TAFA4: variants seen among roughly 807,000 people sequenced by gnomAD.
The protein encoded by TAFA4 is chemokine-like protein TAFA-4.
A neutral mutation model predicts 21.1 loss-of-function variants in TAFA4; 20 were observed. The ratio of observed to expected loss-of-function variants is 0.95; its 90% CI spans 0.67 to 1.38. The LOEUF is 1.38. Among genes scored for constraint, TAFA4 ranks in the 40% most tolerant of loss-of-function variants. TAFA4 has a pLI of 0.00. For synonymous variants in TAFA4, 71 were observed against 67.4 expected, an observed-to-expected ratio of 1.05 and a Z score of -0.26; for missense variants, 211 against 180.9, an observed-to-expected ratio of 1.17 and a Z score of -0.95.
chr3:68,856,001 T>G (rs368645713), intron 3 of TAFA4, among the ~76,000 whole-genome samples: 6 of 152,118 alleles, frequency 3.9e-5, no homozygotes, highest in African/African-American at 1.4e-4. Flanking sequence ...ACAACAAAAC[T>G]CCCAAACTAA....
intron 3 of TAFA4, among the ~76,000 whole-genome samples, chr3:68,849,861 T>C (rs1351558205): frequency 6.6e-6 from 1 of 152,212 alleles, no homozygotes; most frequent in Non-Finnish European, 1.5e-5. Flanking sequence ...CTCAACAGGT[T>C]CCTCTAATCA....
Position 68,855,003 on chromosome 3 carries a change from A to G in TAFA4, c.130+25727T>C, listed in dbSNP as rs139990515. Among the ~76,000 whole-genome samples the G allele has an allele frequency of 2.1e-4, 32 of 152,302 alleles. No individual in the cohort carries two copies. The East Asian group carries it at 6.2e-3, about 29-fold the overall frequency. On this transcript the variant is annotated intron_variant, in intron 3 of 5. Transcript: ENST00000295569. ...ACCCTTGGTTCCAAACCCATAGCAG[A>G]GTAAAAATCATAATAGGGGACAGTG...
intron 1 of TAFA4, among the ~76,000 whole-genome samples, chr3:68,920,710 T>C (rs909471926): frequency 1.4e-4 from 21 of 150,992 alleles, no homozygotes; most frequent in African/African-American, 5.1e-4. Context: ...ACTGTGACCC[T>C]GTATTATGAC....
At chr3:68,892,295 G>A (rs1559555427) in intron 1 of TAFA4, among the ~76,000 whole-genome samples, 8 of 152,168 alleles carry the variant, frequency 5.3e-5, no homozygotes. Context: ...ACATGCTAAA[G>A]TATGTTGTAA....
intron 3 of TAFA4, among the ~76,000 whole-genome samples, chr3:68,805,851 T>G (rs1446871730): frequency 6.6e-6 from 1 of 152,106 alleles, no homozygotes; most frequent in African/African-American, 2.4e-5. Flanking sequence ...ATATACCTAA[T>G]GCTAAATGAC....
intron 1 of TAFA4, among the ~76,000 whole-genome samples, chr3:68,887,339 C>T (rs904451445): frequency 6.6e-6 from 1 of 152,140 alleles, no homozygotes; most frequent in Non-Finnish European, 1.5e-5. Flanking sequence ...CACGGGCAGC[C>T]CTGCCCCTGT....
intron 3 of TAFA4, among the ~76,000 whole-genome samples, chr3:68,800,899 T>C (rs564933970): frequency 4.6e-5 from 7 of 152,228 alleles, no homozygotes; most frequent in Admixed American, 2.6e-4. Context: ...AGCTATGAGA[T>C]CAAAATGATG....
chr3:68,743,054 G>C (rs1436260358), intron 4 of TAFA4, among the ~76,000 whole-genome samples: 2 of 152,210 alleles, frequency 1.3e-5, no homozygotes, highest in East Asian at 3.9e-4. Context: ...CTCCACAAGT[G>C]GCCACATTGT....
chr3:68,777,919 GTCAA>G (rs1438228223), intron 3 of TAFA4, among the ~76,000 whole-genome samples: 2 of 152,092 alleles, frequency 1.3e-5, no homozygotes, highest in African/African-American at 4.8e-5. Context: ...GTGTGTAGTA[GTCAA>G]TAACATCTAG....
chr3:68,931,445 CTG>C (rs1157517136), intron 1 of TAFA4, among the ~76,000 whole-genome samples: 9 of 152,206 alleles, frequency 5.9e-5, no homozygotes, highest in African/African-American at 2.2e-4. Flanking sequence ...ACCAGCGGCA[CTG>C]TGTCTGGCTT....
intron 3 of TAFA4, among the ~76,000 whole-genome samples, chr3:68,858,853 CTAAT>C (rs992144250): frequency 1.3e-5 from 2 of 151,910 alleles, no homozygotes; most frequent in Non-Finnish European, 2.9e-5. Context: ...GAAATATAAT[CTAAT>C]TATTTTTTTC....
intron 3 of TAFA4, among the ~76,000 whole-genome samples, chr3:68,818,681 G>T (rs1010546187): frequency 3.3e-5 from 5 of 152,176 alleles, no homozygotes; most frequent in African/African-American, 1.2e-4. Flanking sequence ...GGGTGAGAGA[G>T]ATGGGAGAAC....
chr3:68,759,781 G>A (rs552997820), intron 3 of TAFA4, among the ~76,000 whole-genome samples: 1 of 152,256 alleles, frequency 6.6e-6, no homozygotes. Flanking sequence ...CTGCTCCTAG[G>A]AGGGAAACTG....
chr3:68,785,663 G>C (rs1703243088), intron 3 of TAFA4, among the ~76,000 whole-genome samples: 1 of 152,214 alleles, frequency 6.6e-6, no homozygotes, highest in Non-Finnish European at 1.5e-5. Context: ...ATACCTCCCA[G>C]CAAGCTGAGG....
chr3:68,845,850 T>C (rs1704777074), intron 3 of TAFA4, among the ~76,000 whole-genome samples: 1 of 152,212 alleles, frequency 6.6e-6, no homozygotes, highest in Non-Finnish European at 1.5e-5. Flanking sequence ...GCCCCCACTC[T>C]CTTCTGGATT....
At chr3:68,837,083 C>T (rs749345137) in intron 3 of TAFA4, among the ~76,000 whole-genome samples, 8 of 152,204 alleles carry the variant, frequency 5.3e-5, no homozygotes, top group Non-Finnish European at 7.3e-5. Flanking sequence ...GTATCATCTG[C>T]GGCTGCTTTC....
intron 4 of TAFA4, among the ~76,000 whole-genome samples, chr3:68,747,706 G>C (rs974499612): frequency 1.3e-5 from 2 of 152,130 alleles, no homozygotes; most frequent in East Asian, 3.9e-4. Context: ...TGCTGACGAG[G>C]TGACCTGTCA....
At position 68,917,996 on chromosome 3, in the gene TAFA4, A is replaced by T. The variant is rs113774392; in HGVS notation, c.-123+14244T>A. Among the ~76,000 whole-genome samples, 933 of 152,272 alleles carry T rather than the reference A, an allele frequency of 6.1e-3. 11 individuals are homozygous for T. Among genetic ancestry groups the T allele is most frequent in the African/African-American group, 0.021 (885 of 41,542 alleles). On this transcript the variant is annotated intron_variant, in intron 1 of 5. Transcript: ENST00000295569. ...TTCGAAGCATTTTCACATAGTCATC[A>T]ATTGGAAACTCCCATCAGTACTTTA...
chr3:68,892,926 C>A (rs952598946), intron 1 of TAFA4, among the ~76,000 whole-genome samples: 1 of 152,108 alleles, frequency 6.6e-6, no homozygotes, highest in Non-Finnish European at 1.5e-5. Context: ...AAATAAAATG[C>A]GCTCACCAAA....
Sources: gnomAD v4.1 joint callset for allele counts (sites outside exome capture counted in the v4.1 genomes callset) on GRCh38, gnomAD v4.1.1 for gene constraint, MANE v1.5 for transcripts, NCBI Gene and HGNC (gene_info 2026-07-23, HGNC 2026-07-21) for gene names.